The following YY1 variants were observed in gnomAD, a reference collection of about 807,000 sequenced individuals.
YY1 encodes the protein YY1 transcription factor.
Under a neutral mutation model 35.6 loss-of-function variants are expected in YY1, and 2 were observed. The observed-to-expected ratio is 0.06, with a 90% CI of 0.02 to 0.18. YY1 has a LOEUF of 0.18. YY1 is among the 10% of genes least tolerant of loss of function. The pLI is 1.00. For synonymous variants in YY1, 268 were observed against 238.9 expected, an observed-to-expected ratio of 1.12 and a Z score of -1.12; for missense variants, 322 against 573.4, an observed-to-expected ratio of 0.56 and a Z score of 4.48.
At chr14:100,262,522 A>G in intron 2 of YY1, 56 bp downstream of exon 2, 1 of 1,581,680 alleles carries the variant, frequency 6.3e-7, no homozygotes, top group East Asian at 2.2e-5. Context: ...GAGTCTTGCC[A>G]GCTATGTTTT....
chr14:100,260,746 C>T (rs969801167), intron 1 of YY1, among the ~76,000 whole-genome samples: 20 of 132,268 alleles, frequency 1.5e-4, no homozygotes, highest in Non-Finnish European at 2.7e-4. Context: ...GCTGGGATTA[C>T]AGGTGTGAGC....
intron 2 of YY1, among the ~76,000 whole-genome samples, chr14:100,266,493 T>C (rs1256073028): frequency 6.6e-6 from 1 of 152,098 alleles, no homozygotes; most frequent in Non-Finnish European, 1.5e-5. Flanking sequence ...CCTTGGAGCA[T>C]TGGAGCAGCT....
chr14:100,269,585 G>A (rs1247565251), intron 2 of YY1, among the ~76,000 whole-genome samples: 1 of 152,206 alleles, frequency 6.6e-6, no homozygotes, highest in Non-Finnish European at 1.5e-5. Flanking sequence ...CTCGCAAAAT[G>A]AAACACTGTT....
intron 1 of YY1, among the ~76,000 whole-genome samples, chr14:100,251,353 T>G (rs960161334): frequency 1.3e-5 from 2 of 152,212 alleles, no homozygotes; most frequent in African/African-American, 4.8e-5. Flanking sequence ...CTAGAATATG[T>G]GAGGGACCAG....
chr14:100,252,726 A>C (rs1053595480), intron 1 of YY1, among the ~76,000 whole-genome samples: 1 of 152,178 alleles, frequency 6.6e-6, no homozygotes, highest in Non-Finnish European at 1.5e-5. Context: ...TTGTAAACTT[A>C]AGTTATATTG....
intron 1 of YY1, among the ~76,000 whole-genome samples, chr14:100,255,967 T>C (rs1890999925): frequency 6.6e-6 from 1 of 152,182 alleles, no homozygotes; most frequent in African/African-American, 2.4e-5. Context: ...ACAATGTCTT[T>C]CTGGGGCTTT....
chr14:100,244,529 C>T (rs1372142756), intron 1 of YY1, among the ~76,000 whole-genome samples: 1 of 151,206 alleles, frequency 6.6e-6, no homozygotes, highest in Non-Finnish European at 1.5e-5. Context: ...GTGATTCACC[C>T]ACCTCGGCCT....
Position 100,261,627 on chromosome 14 carries a change from A to G in YY1, c.680-677A>G, listed in dbSNP as rs185782313. Among the ~76,000 whole-genome samples, 573 of 152,338 alleles carry G rather than the reference A, an allele frequency of 3.8e-3. 4 individuals carry two copies. The highest frequency in any genetic ancestry group is 0.013 in the African/African-American group (547 of 41,578). ...GGAGGATGACAAAAATCACACAGCT[A>G]TAATTACAAATTTTAGTCAATGGAA... is the stretch of plus-strand genomic sequence containing the variant. On this transcript the variant is annotated intron_variant, in intron 1 of 4. Coordinates refer to ENST00000262238, the MANE Select transcript of YY1 (RefSeq NM_003403.5).
At chr14:100,246,902 G>C (rs7156892) in intron 1 of YY1, among the ~76,000 whole-genome samples, 1 of 152,272 alleles carries the variant, frequency 6.6e-6, no homozygotes, top group South Asian at 2.1e-4. Flanking sequence ...CATAGATCTC[G>C]AATCCTGATC....
intron 2 of YY1, chr14:100,265,307 G>A (rs919665032): frequency 2.6e-5 from 4 of 152,182 alleles, no homozygotes; most frequent in Admixed American, 2.0e-4. Context: ...GAACCCAGGA[G>A]GGGGAGGTTG....
rs750686959 is a variant in YY1 at position 100,239,265 on chromosome 14, C to G, written c.21C>G (p.Leu7=). 6.3e-6 allele frequency: 10 copies of G among 1,578,472 alleles called. No homozygotes were observed. Among genetic ancestry groups the G allele is most frequent in the South Asian group, 4.6e-5 (4 of 86,832 alleles). MASGDT[L]YIATDGSEMP... ...CAGCCATGGCCTCGGGCGACACCCT[C>G]TACATCGCCACGGACGGCTCGGAGA... Residue 7 remains leucine (L), a synonymous_variant, in exon 1 of 5, where the codon CTC becomes CTG. Transcript: ENST00000262238.
chr14:100,249,603 A>G (rs1048813727), intron 1 of YY1, among the ~76,000 whole-genome samples: 2 of 152,198 alleles, frequency 1.3e-5, no homozygotes, highest in Non-Finnish European at 2.9e-5. Context: ...ATCAGGGCTT[A>G]TACCAAAATA....
intron 2 of YY1, among the ~76,000 whole-genome samples, chr14:100,271,447 A>C (rs1891237396): frequency 6.6e-6 from 1 of 152,156 alleles, no homozygotes; most frequent in African/African-American, 2.4e-5. Context: ...AAGAAAGGCT[A>C]GTTCAGAGTC....
chr14:100,241,848 C>T (rs947728556), intron 1 of YY1, among the ~76,000 whole-genome samples: 3 of 151,962 alleles, frequency 2.0e-5, no homozygotes, highest in Non-Finnish European at 1.5e-5. Flanking sequence ...ATGGCGGGAG[C>T]CCGTAATCCC....
At chr14:100,246,949 T>A (rs1400711383) in intron 1 of YY1, among the ~76,000 whole-genome samples, 1 of 152,192 alleles carries the variant, frequency 6.6e-6, no homozygotes, top group Non-Finnish European at 1.5e-5. Flanking sequence ...TAATAAAGCC[T>A]CTTGTGCTGT....
At chr14:100,245,169 C>T (rs1256994045) in intron 1 of YY1, among the ~76,000 whole-genome samples, 1 of 151,830 alleles carries the variant, frequency 6.6e-6, no homozygotes, top group African/African-American at 2.4e-5. Flanking sequence ...ATCTCCTGAC[C>T]TCGTGATCCG....
chr14:100,241,447 T>A (rs1890740250), intron 1 of YY1, among the ~76,000 whole-genome samples: 1 of 152,072 alleles, frequency 6.6e-6, no homozygotes, highest in Non-Finnish European at 1.5e-5. Context: ...GGTGGATCTG[T>A]GATTGAAAGA....
intron 2 of YY1, among the ~76,000 whole-genome samples, chr14:100,272,111 A>G (rs578040358): frequency 6.6e-6 from 1 of 152,198 alleles, no homozygotes; most frequent in Non-Finnish European, 1.5e-5. Context: ...CCTGGCTAAC[A>G]TGGTGAAACC....
intron 1 of YY1, among the ~76,000 whole-genome samples, chr14:100,261,490 G>C (rs1193951167): frequency 1.3e-5 from 2 of 152,086 alleles, no homozygotes; most frequent in South Asian, 4.2e-4. Context: ...GTGCTGGGCC[G>C]AACATATATT....
Sources: gnomAD v4.1 joint callset for allele counts (sites outside exome capture counted in the v4.1 genomes callset) on GRCh38, gnomAD v4.1.1 for gene constraint, MANE v1.5 for transcripts, NCBI Gene and HGNC (gene_info 2026-07-23, HGNC 2026-07-21) for gene names.